The following MED12L variants were observed in gnomAD, a reference collection of about 807,000 sequenced individuals.
The protein encoded by MED12L is mediator of RNA polymerase II transcription subunit 12-like protein.
A neutral mutation model predicts 281.3 loss-of-function variants in MED12L; 60 were observed. That is an observed-to-expected ratio of 0.21 (90% CI 0.17 to 0.26). MED12L has a LOEUF of 0.26. Ranked by LOEUF, MED12L falls within the 10% of genes least tolerant of loss-of-function variation. The pLI is 1.00. For missense variants in MED12L, 2,146 were observed against 2,680.9 expected (o/e 0.80, Z 4.41); for synonymous variants, 974 against 987.2 (o/e 0.99, Z 0.25).
At position 151,348,359 on chromosome 3, in the gene MED12L, A is replaced by G. The variant is rs898334213; in HGVS notation, c.2251-1700A>G. On this transcript the variant is annotated intron_variant, in intron 16 of 44. Transcript: ENST00000687756. The stretch of plus-strand genomic sequence containing the variant: ...CCAGACCAAAAAAAAAAAAAAAAAA[A>G]AAAAGAAAAAAGAAATATATCAGTA... Among the ~76,000 whole-genome samples, 42 of 44,540 alleles carry G rather than the reference A, an allele frequency of 9.4e-4. 1 individual carries two copies. The highest frequency in any genetic ancestry group is 0.017 in the Middle Eastern group (1 of 60). The allele number at this position is 44,540 out of a possible 152,430, so 29.2% of individuals were successfully genotyped here.
chr3:151,108,529 G>C (rs1352496997), intron 2 of MED12L, among the ~76,000 whole-genome samples: 1 of 152,120 alleles, frequency 6.6e-6, no homozygotes, highest in Non-Finnish European at 1.5e-5. Flanking sequence ...GGTGGACAAG[G>C]CTAGGAAATA....
At chr3:151,221,785 A>G (rs9838710) in intron 16 of MED12L, among the ~76,000 whole-genome samples, 66,703 of 151,816 alleles carry the variant, frequency 0.44, 15,948 homozygotes, top group African/African-American at 0.65. Flanking sequence ...AGGGCAGTAT[A>G]GAAGGGAAAT....
intron 16 of MED12L, among the ~76,000 whole-genome samples, chr3:151,209,102 G>A (rs2149197040): frequency 6.6e-6 from 1 of 152,308 alleles, no homozygotes; most frequent in South Asian, 2.1e-4. Flanking sequence ...AAAGTAACAA[G>A]TAGTCTTATA....
chr3:151,166,565 G>A (rs1389784204), intron 11 of MED12L, among the ~76,000 whole-genome samples: 1 of 152,106 alleles, frequency 6.6e-6, no homozygotes, highest in Non-Finnish European at 1.5e-5. Context: ...TATGGGGCTG[G>A]CAAATTTGAG....
rs140283710 is a variant in MED12L at position 151,110,212 on chromosome 3, A to G, written c.100-6126A>G. Among the ~76,000 whole-genome samples the G allele has an allele frequency of 9.9e-5, 15 of 152,142 alleles. No individual in the cohort carries two copies. The East Asian group carries it at 2.5e-3, about 25-fold the overall frequency. On this transcript the variant is annotated intron_variant, in intron 2 of 44. Coordinates refer to ENST00000687756, the MANE Select transcript of MED12L (RefSeq NM_001393769.1). Reference sequence around the variant, plus strand: ...CCAAAATTTGGACTCTCCTCTTTCTATTTTTGCCTGATTAGACTTGACAAA... The same window carrying G: ...CCAAAATTTGGACTCTCCTCTTTCTGTTTTTGCCTGATTAGACTTGACAAA...
chr3:151,393,271 G>A (rs984977837), intron 38 of MED12L, among the ~76,000 whole-genome samples: 21 of 152,176 alleles, frequency 1.4e-4, no homozygotes, highest in African/African-American at 5.1e-4. Context: ...GAAAGAAAAA[G>A]AAGGGGAAGT....
chr3:151,128,306 G>C (rs1047202350), intron 5 of MED12L, among the ~76,000 whole-genome samples: 11 of 152,120 alleles, frequency 7.2e-5, no homozygotes, highest in Admixed American at 7.2e-4. Context: ...AGCTTTCTCT[G>C]CTGTTACTTT....
At chr3:151,342,260 A>G (rs1560051897) in intron 16 of MED12L, among the ~76,000 whole-genome samples, 2 of 152,162 alleles carry the variant, frequency 1.3e-5, no homozygotes, top group Non-Finnish European at 2.9e-5. Context: ...ACTTTATGTA[A>G]ATATTGCTTT....
At chr3:151,230,687 A>C (rs1731495850) in intron 16 of MED12L, among the ~76,000 whole-genome samples, 1 of 151,978 alleles carries the variant, frequency 6.6e-6, no homozygotes, top group Admixed American at 6.6e-5. Context: ...ACTTCCCTTC[A>C]AACTTTAAAC....
At chr3:151,111,888 G>A (rs1711952095) in intron 2 of MED12L, among the ~76,000 whole-genome samples, 1 of 152,176 alleles carries the variant, frequency 6.6e-6, no homozygotes, top group Non-Finnish European at 1.5e-5. Context: ...GGGTGGGGCT[G>A]TCTTCAGTGC....
chr3:151,431,096 C>G (rs1719455794), intron 44 of MED12L, among the ~76,000 whole-genome samples: 1 of 152,144 alleles, frequency 6.6e-6, no homozygotes, highest in Non-Finnish European at 1.5e-5. Flanking sequence ...GAAATGGGAG[C>G]AAGCTCCCTG....
intron 5 of MED12L, among the ~76,000 whole-genome samples, chr3:151,142,147 C>A (rs1350481675): frequency 1.3e-5 from 2 of 152,116 alleles, no homozygotes. Context: ...TAGTTGAGTG[C>A]CTCCATTTCA....
intron 16 of MED12L, among the ~76,000 whole-genome samples, chr3:151,348,211 G>A (rs879151022): frequency 6.6e-6 from 1 of 151,892 alleles, no homozygotes; most frequent in Non-Finnish European, 1.5e-5. Context: ...TTTACATTAG[G>A]ACCATCTGAT....
intron 16 of MED12L, chr3:151,295,062 A>G: frequency 1.2e-6 from 2 of 1,614,066 alleles, no homozygotes; most frequent in Non-Finnish European, 1.7e-6. Flanking sequence ...CACACTGCTA[A>G]ACCATTCAGC....
intron 5 of MED12L, among the ~76,000 whole-genome samples, chr3:151,141,066 A>G (rs556914925): frequency 1.3e-5 from 2 of 151,218 alleles, no homozygotes; most frequent in East Asian, 3.9e-4. Context: ...ATGGGGTTTC[A>G]CCATGTTAGC....
chr3:151,336,611 G>C, intron 16 of MED12L: 1 of 451,290 alleles, frequency 2.2e-6, no homozygotes, highest in Non-Finnish European at 4.4e-6. Flanking sequence ...TTTTGTTTAT[G>C]TTAAAATAGC....
chr3:151,179,431 A>G (rs1240196559), intron 11 of MED12L, among the ~76,000 whole-genome samples: 3 of 152,178 alleles, frequency 2.0e-5, no homozygotes, highest in African/African-American at 7.2e-5. Context: ...TTTACAGGAC[A>G]TTGCACCTAA....
chr3:151,247,968 T>C (rs1409779649), intron 16 of MED12L, among the ~76,000 whole-genome samples: 10 of 87,920 alleles, frequency 1.1e-4, no homozygotes, highest in East Asian at 4.4e-4. Flanking sequence ...TCTTCTTTTT[T>C]TTTTTTTTTT....
intron 16 of MED12L, among the ~76,000 whole-genome samples, chr3:151,235,780 A>G (rs1001121657): frequency 3.3e-5 from 5 of 152,064 alleles, no homozygotes; most frequent in African/African-American, 1.2e-4. Context: ...TGTGATTGTC[A>G]GTCTCTGGTA....
Sources: gnomAD v4.1 joint callset for allele counts (sites outside exome capture counted in the v4.1 genomes callset) on GRCh38, gnomAD v4.1.1 for gene constraint, MANE v1.5 for transcripts, NCBI Gene and HGNC (gene_info 2026-07-23, HGNC 2026-07-21) for gene names.